The following SCRG1 variants were observed in gnomAD, a reference collection of about 807,000 sequenced individuals.
SCRG1 encodes scrapie-responsive protein 1.
Under a neutral mutation model 7.7 loss-of-function variants are expected in SCRG1, and 3 were observed. The observed-to-expected ratio is 0.39, with a 90% confidence interval of 0.18 to 1.01. SCRG1 has a LOEUF of 1.01. SCRG1 is among the 50% of genes least tolerant of loss of function. SCRG1 has a pLI of 0.36. For synonymous variants in SCRG1, 46 were observed against 41.2 expected, an observed-to-expected ratio of 1.12 and a Z score of -0.44; for missense variants, 110 against 117.2, an observed-to-expected ratio of 0.94 and a Z score of 0.28.
chr4:173,467,414 C>T, the SCRG1 span, among the ~76,000 whole-genome samples: 21 of 152,228 alleles, frequency 1.4e-4, 1 homozygote, highest in South Asian at 4.1e-3. Context: ...GGCAAGCACA[C>T]AGGCAAAGCA....
chr4:173,497,120 AC>A, the SCRG1 span, among the ~76,000 whole-genome samples: 166 of 152,138 alleles, frequency 1.1e-3, no homozygotes, highest in Non-Finnish European at 1.5e-3. Flanking sequence ...AAACAAAAAA[AC>A]AACAACAACA....
intron 1 of SCRG1, among the ~76,000 whole-genome samples, chr4:173,394,636 C>T (rs1403428114): frequency 1.4e-5 from 2 of 145,138 alleles, no homozygotes; most frequent in Non-Finnish European, 3.1e-5. Flanking sequence ...CAGAGAGAGA[C>T]TCCGTCTCAA....
upstream of SCRG1, among the ~76,000 whole-genome samples, chr4:173,408,470 C>T (rs1739967394): frequency 6.6e-6 from 1 of 152,092 alleles, no homozygotes; most frequent in African/African-American, 2.4e-5. Flanking sequence ...TCCAGTATGG[C>T]TCAAGTGTAA....
At chr4:173,518,628 C>G in the SCRG1 span, among the ~76,000 whole-genome samples, 8 of 152,134 alleles carry the variant, frequency 5.3e-5, no homozygotes, top group South Asian at 8.3e-4. Flanking sequence ...CTCCCCATTC[C>G]AGAACCTGCC....
the SCRG1 span, among the ~76,000 whole-genome samples, chr4:173,435,909 T>C: frequency 6.6e-6 from 1 of 152,142 alleles, no homozygotes; most frequent in Non-Finnish European, 1.5e-5. Context: ...AATGTGAATT[T>C]ACAAGTTCAG....
the SCRG1 span, among the ~76,000 whole-genome samples, chr4:173,411,439 G>A: frequency 6.6e-6 from 1 of 152,148 alleles, no homozygotes; most frequent in African/African-American, 2.4e-5. Context: ...CTTTTCCCAG[G>A]TTGGACCAAC....
the SCRG1 span, among the ~76,000 whole-genome samples, chr4:173,448,517 G>C: frequency 5.3e-5 from 8 of 152,214 alleles, no homozygotes; most frequent in Admixed American, 5.2e-4. Context: ...AGCCTGAAAT[G>C]ACCCTTCTGT....
At chr4:173,484,338 C>CATATTAT in the SCRG1 span, among the ~76,000 whole-genome samples, 1 of 26,688 alleles carries the variant, frequency 3.7e-5, no homozygotes, top group East Asian at 1.2e-3. Flanking sequence ...ATATATTTAA[C>CATATTAT]ATATTATATA....
At chr4:173,508,670 A>C in the SCRG1 span, among the ~76,000 whole-genome samples, 2 of 151,984 alleles carry the variant, frequency 1.3e-5, no homozygotes, top group Non-Finnish European at 2.9e-5. This position sits in a 1 kb window ranked among gnomAD's most constrained non-coding sequence, Gnocchi z 4.4. Context: ...GAATCTCCCC[A>C]AGTGCAGGGG....
the SCRG1 span, among the ~76,000 whole-genome samples, chr4:173,485,598 C>A: frequency 6.6e-6 from 1 of 152,106 alleles, no homozygotes; most frequent in Non-Finnish European, 1.5e-5. Flanking sequence ...ACCATACTAT[C>A]TAACCACTTC....
chr4:173,407,713 A>C (rs1056328678), upstream of SCRG1, among the ~76,000 whole-genome samples: 7 of 152,228 alleles, frequency 4.6e-5, no homozygotes, highest in African/African-American at 1.7e-4. Flanking sequence ...AAACACATTC[A>C]TATAATAAAT....
chr4:173,427,661 T>C, the SCRG1 span, among the ~76,000 whole-genome samples: 1 of 152,196 alleles, frequency 6.6e-6, no homozygotes, highest in Admixed American at 6.5e-5. Context: ...TTAGCTGCAC[T>C]TGCTGCTCTG....
the SCRG1 span, among the ~76,000 whole-genome samples, chr4:173,454,861 A>G: frequency 6.6e-6 from 1 of 152,208 alleles, no homozygotes; most frequent in African/African-American, 2.4e-5. Flanking sequence ...CATCCTCAAG[A>G]AGACGTAGGG....
At chr4:173,479,850 T>C in the SCRG1 span, among the ~76,000 whole-genome samples, 1 of 152,120 alleles carries the variant, frequency 6.6e-6, no homozygotes, top group Non-Finnish European at 1.5e-5. Flanking sequence ...TATATCTTAA[T>C]AGTAAAGAGA....
chr4:173,456,929 G>A, the SCRG1 span, among the ~76,000 whole-genome samples: 3 of 152,204 alleles, frequency 2.0e-5, no homozygotes, highest in African/African-American at 7.2e-5. Flanking sequence ...TCTCAGCCTA[G>A]AGACTGGTTT....
At chr4:173,473,589 A>C in the SCRG1 span, among the ~76,000 whole-genome samples, 1 of 152,166 alleles carries the variant, frequency 6.6e-6, no homozygotes, top group African/African-American at 2.4e-5. Flanking sequence ...GCAGAGAGAA[A>C]AGGAAAGGAG....
chr4:173,432,876 C>CTCTT, the SCRG1 span, among the ~76,000 whole-genome samples: 1 of 152,126 alleles, frequency 6.6e-6, no homozygotes, highest in African/African-American at 2.4e-5. Flanking sequence ...CTACCCTGTT[C>CTCTT]TCTTAGATTT....
Position 173,391,380 on chromosome 4 carries a change from A to G in SCRG1, c.35T>C (p.Leu12Pro). 1.2e-6 allele frequency: 2 copies of G among 1,614,228 alleles called. No individual in the cohort carries two copies. Residue 12 changes from leucine to proline, a missense_variant, in exon 2 of 3, where the codon CTA becomes CCA. Physicochemically the swap from Leu to Pro is moderately conservative, Grantham distance 98. Coordinates refer to ENST00000296506, the MANE Select transcript of SCRG1 (RefSeq NM_007281.4). ...GGCTTGAACTCCTAGCAGCAAAGTTAGCCCAATGGTGAAAACAAGTACCAT... is the reference window on the plus strand; with the variant it reads ...GGCTTGAACTCCTAGCAGCAAAGTTGGCCCAATGGTGAAAACAAGTACCAT... Reference protein sequence around the residue: ...KLMVLVFTIGLTLLLGVQAMP... With the variant: ...KLMVLVFTIGPTLLLGVQAMP...
the SCRG1 span, among the ~76,000 whole-genome samples, chr4:173,493,421 G>T: frequency 6.6e-6 from 1 of 152,032 alleles, no homozygotes; most frequent in Admixed American, 6.6e-5. Flanking sequence ...AGAAATTAAA[G>T]AATTTAGGAG....
Sources: gnomAD v4.1 joint callset for allele counts (sites outside exome capture counted in the v4.1 genomes callset) on GRCh38, gnomAD v4.1.1 for gene constraint, Gnocchi (gnomAD v3.1) non-coding constraint, MANE v1.5 for transcripts, NCBI Gene and HGNC (gene_info 2026-07-23, HGNC 2026-07-21) for gene names.